Variants in EDIL3 observed in about 807,000 individuals in gnomAD.
The protein encoded by EDIL3 is EGF-like repeat and discoidin I-like domain-containing protein 3.
EDIL3 carries 37 observed loss-of-function variants against 67.4 expected under a neutral mutation model. That is an observed-to-expected ratio of 0.55 (90% confidence interval 0.42 to 0.72). EDIL3 has a LOEUF of 0.72. Ranked by LOEUF, EDIL3 falls within the 30% of genes least tolerant of loss-of-function variation. The pLI is 0.00. For synonymous variants in EDIL3, 195 were observed against 196.3 expected (o/e 0.99, Z 0.05); for missense variants, 527 against 586.3 (o/e 0.90, Z 1.04).
intron 7 of EDIL3, 54 bp downstream of exon 7, chr5:84,066,397 A>C: frequency 6.6e-7 from 1 of 1,514,052 alleles, no homozygotes; most frequent in Non-Finnish European, 8.8e-7. Context: ...TTTGATAATC[A>C]ATAATTATCA....
At chr5:84,288,210 C>A (rs1311340363) in intron 1 of EDIL3, among the ~76,000 whole-genome samples, 1 of 152,098 alleles carries the variant, frequency 6.6e-6, no homozygotes, top group Non-Finnish European at 1.5e-5. Context: ...CTCTCATACC[C>A]ACATCCTCTC....
chr5:84,095,964 G>T lies in EDIL3; in HGVS notation c.651+10685C>A, dbSNP rs541206994. 5.3e-5 allele frequency among the ~76,000 whole-genome samples: 8 copies of T among 152,096 alleles called. No individual in the cohort carries two copies. The South Asian group carries it at 1.7e-3, about 32-fold the overall frequency. On this transcript the variant is annotated intron_variant, in intron 6 of 10. Transcript: ENST00000296591. Reference sequence around the variant, plus strand: ...CAGCCTAGGGACTTGGTAATAAATCGTTACAAATTTCTGTAGTACAAATTT... The same window carrying T: ...CAGCCTAGGGACTTGGTAATAAATCTTTACAAATTTCTGTAGTACAAATTT...
intron 5 of EDIL3, among the ~76,000 whole-genome samples, chr5:84,108,004 G>A (rs1747493462): frequency 6.6e-6 from 1 of 151,062 alleles, no homozygotes; most frequent in Non-Finnish European, 1.5e-5. Context: ...ATGAAAATAA[G>A]AAAGAAGTTC....
intron 4 of EDIL3, among the ~76,000 whole-genome samples, chr5:84,159,396 A>C (rs1221902436): frequency 6.6e-6 from 1 of 152,056 alleles, no homozygotes; most frequent in Non-Finnish European, 1.5e-5. Context: ...AATTAGCTAG[A>C]ATCAGAAAAT....
At chr5:84,211,549 T>C (rs1191737837) in intron 3 of EDIL3, among the ~76,000 whole-genome samples, 2 of 151,932 alleles carry the variant, frequency 1.3e-5, no homozygotes, top group African/African-American at 4.8e-5. Flanking sequence ...CTAAATCCCA[T>C]AACAAGTGTC....
At chr5:84,374,980 T>A (rs1199402695) in intron 1 of EDIL3, among the ~76,000 whole-genome samples, 1 of 151,536 alleles carries the variant, frequency 6.6e-6, no homozygotes, top group East Asian at 1.9e-4. Flanking sequence ...TTTTTTTTTT[T>A]TTCTTTTTTT....
chr5:84,158,107 A>G lies in EDIL3; in HGVS notation c.356-20753T>C, dbSNP rs553314202. 1.4e-4 allele frequency among the ~76,000 whole-genome samples: 22 copies of G among 152,226 alleles called. No homozygotes were observed. In the South Asian group the frequency reaches 1.4e-3, roughly 10 times the overall value. On this transcript the variant is annotated intron_variant, in intron 4 of 10. Coordinates refer to ENST00000296591, the MANE Select transcript of EDIL3 (RefSeq NM_005711.5). ...TGAGGAAAGATTCTTTAAAAATTGT[A>G]AAACCAGATGTGCCAAATGACTGAA...
intron 3 of EDIL3, among the ~76,000 whole-genome samples, chr5:84,209,939 C>T (rs1001901911): frequency 1.3e-5 from 2 of 152,134 alleles, no homozygotes; most frequent in African/African-American, 4.8e-5. Context: ...GCTCTTGTTA[C>T]CTGAATCTGG....
chr5:84,344,418 T>C (rs970703837), intron 1 of EDIL3, among the ~76,000 whole-genome samples: 5 of 152,124 alleles, frequency 3.3e-5, no homozygotes, highest in Non-Finnish European at 7.4e-5. Flanking sequence ...ACTAAAATTG[T>C]ATTTTTAAAC....
At chr5:84,351,749 T>A (rs1747365463) in intron 1 of EDIL3, among the ~76,000 whole-genome samples, 2 of 151,910 alleles carry the variant, frequency 1.3e-5, no homozygotes, top group Non-Finnish European at 2.9e-5. Context: ...AATAATTTAG[T>A]AAAATTTATG....
intron 9 of EDIL3, among the ~76,000 whole-genome samples, chr5:83,995,568 T>A (rs534187198): frequency 6.6e-6 from 1 of 152,320 alleles, no homozygotes; most frequent in African/African-American, 2.4e-5. Context: ...TCTTAAAATT[T>A]TTAATAAAAT....
At chr5:84,377,627 C>T (rs1747995792) in intron 1 of EDIL3, among the ~76,000 whole-genome samples, 1 of 152,130 alleles carries the variant, frequency 6.6e-6, no homozygotes, top group Non-Finnish European at 1.5e-5. Flanking sequence ...AAGCACAAAC[C>T]TTAAGGAATG....
chr5:84,002,063 C>G (rs1454675589), intron 9 of EDIL3, among the ~76,000 whole-genome samples: 1 of 151,994 alleles, frequency 6.6e-6, no homozygotes, highest in Non-Finnish European at 1.5e-5. Flanking sequence ...ATTAAAACAC[C>G]TTAAAAAGAT....
rs765707052 is a variant in EDIL3, at chr5:84,060,499, G to C, written c.953-15C>G. The C allele has an allele frequency of 6.2e-7, 1 of 1,612,346 alleles. No homozygotes were observed. Among genetic ancestry groups the C allele is most frequent in the South Asian group, 1.1e-5 (1 of 90,798 alleles). ...CTCAGAACAACCTGAAAGAAAATGA[G>C]AAGGGCTCCATGAGAAAAATAATTG... On this transcript the variant is annotated splice_polypyrimidine_tract_variant and intron_variant, in intron 8 of 10. Coordinates refer to ENST00000296591, the MANE Select transcript of EDIL3 (RefSeq NM_005711.5).
intron 4 of EDIL3, among the ~76,000 whole-genome samples, chr5:84,163,157 C>G (rs1748643812): frequency 6.6e-6 from 1 of 152,058 alleles, no homozygotes; most frequent in African/African-American, 2.4e-5. Flanking sequence ...TTTTAGATGA[C>G]AAACCCAAAT....
chr5:84,357,007 C>T (rs772712243), intron 1 of EDIL3, among the ~76,000 whole-genome samples: 25 of 145,680 alleles, frequency 1.7e-4, no homozygotes, highest in Non-Finnish European at 3.3e-4. Context: ...TCACTGAAAC[C>T]TCTGCCTCCC....
At chr5:84,256,120 C>CTATA (rs1416937351) in intron 1 of EDIL3, among the ~76,000 whole-genome samples, 3 of 40,056 alleles carry the variant, frequency 7.5e-5, no homozygotes, top group Admixed American at 5.8e-4. Context: ...TATCATCTAA[C>CTATA]TATCTATCTA....
At chr5:84,078,090 G>A (rs1479605607) in intron 6 of EDIL3, among the ~76,000 whole-genome samples, 1 of 152,114 alleles carries the variant, frequency 6.6e-6, no homozygotes, top group Non-Finnish European at 1.5e-5. Context: ...ATGTAAACTA[G>A]CATAGCCATT....
intron 5 of EDIL3, among the ~76,000 whole-genome samples, chr5:84,109,268 G>A (rs570988297): frequency 1.3e-5 from 2 of 152,334 alleles, no homozygotes; most frequent in South Asian, 2.1e-4. Context: ...CACTTTGGGA[G>A]ACCGAGGCAG....
Sources: allele counts gnomAD v4.1 joint callset (sites outside exome capture counted in the v4.1 genomes callset), GRCh38; gene constraint gnomAD v4.1.1; transcripts MANE v1.5; gene names NCBI Gene and HGNC (gene_info 2026-07-23, HGNC 2026-07-21).